The following MMP16 variants were observed in gnomAD, a reference collection of about 807,000 sequenced individuals.
MMP16 encodes matrix metalloproteinase-16.
Under a neutral mutation model 67.8 loss-of-function variants are expected in MMP16, and 12 were observed. The observed-to-expected ratio is 0.18, with a 90% CI of 0.11 to 0.29. The LOEUF is 0.29. Ranked by LOEUF, MMP16 falls within the 10% of genes least tolerant of loss-of-function variation. MMP16 has a pLI of 1.00. For missense variants in MMP16, 475 were observed against 765.7 expected (o/e 0.62, Z 4.48); for synonymous variants, 249 against 255.9 (o/e 0.97, Z 0.26).
At chr8:88,057,726 C>G (rs1356184965) in intron 7 of MMP16, among the ~76,000 whole-genome samples, 2 of 152,064 alleles carry the variant, frequency 1.3e-5, no homozygotes, top group Admixed American at 1.3e-4. Context: ...TAGTTTGTAA[C>G]CATGGGTAAT....
chr8:88,244,581 T>G (rs1348428097), intron 1 of MMP16, among the ~76,000 whole-genome samples: 1 of 152,202 alleles, frequency 6.6e-6, no homozygotes, highest in East Asian at 1.9e-4. Context: ...GTATTTTACA[T>G]ATATTAACTG....
At chr8:88,316,620 A>G (rs188205026) in intron 1 of MMP16, among the ~76,000 whole-genome samples, 15 of 152,288 alleles carry the variant, frequency 9.8e-5, no homozygotes, top group Admixed American at 9.8e-4. Context: ...CTGACAACAT[A>G]TCTGGTCACC....
chr8:88,109,066 G>T (rs1809290143), intron 6 of MMP16, among the ~76,000 whole-genome samples: 1 of 151,366 alleles, frequency 6.6e-6, no homozygotes, highest in South Asian at 2.1e-4. Context: ...TTAAAATGCA[G>T]AGAAGACAGA....
chr8:88,078,562 T>C (rs1410388908), intron 6 of MMP16, among the ~76,000 whole-genome samples: 1 of 152,052 alleles, frequency 6.6e-6, no homozygotes, highest in Admixed American at 6.6e-5. Flanking sequence ...AGGATCCTTT[T>C]AAAAAATGAA....
At chr8:88,290,725 G>A (rs1027151744) in intron 1 of MMP16, among the ~76,000 whole-genome samples, 7 of 152,024 alleles carry the variant, frequency 4.6e-5, no homozygotes, top group Admixed American at 2.0e-4. Context: ...CTACAGGAAC[G>A]CACCACCATA....
At chr8:88,135,051 TTA>T (rs1277610090) in intron 4 of MMP16, among the ~76,000 whole-genome samples, 4 of 151,758 alleles carry the variant, frequency 2.6e-5, no homozygotes, top group African/African-American at 9.7e-5. Flanking sequence ...CATTGAATTT[TTA>T]TATGATTCTC....
At chr8:88,310,478 G>A (rs1269433670) in intron 1 of MMP16, among the ~76,000 whole-genome samples, 1 of 151,980 alleles carries the variant, frequency 6.6e-6, no homozygotes, top group African/African-American at 2.4e-5. Context: ...TTAAGAAAAA[G>A]GACAACTATT....
chr8:88,054,325 G>A (rs1428099566), intron 8 of MMP16, among the ~76,000 whole-genome samples: 6 of 152,032 alleles, frequency 3.9e-5, no homozygotes, highest in African/African-American at 7.2e-5. Flanking sequence ...GTATAGTACC[G>A]AGTTCTGCAT....
chr8:88,301,052 C>T (rs1811090598), intron 1 of MMP16, among the ~76,000 whole-genome samples: 1 of 152,112 alleles, frequency 6.6e-6, no homozygotes, highest in Non-Finnish European at 1.5e-5. Flanking sequence ...TTATTTTTGC[C>T]TTATTAATAC....
At chr8:88,124,976 C>A (rs1563539001) in intron 4 of MMP16, among the ~76,000 whole-genome samples, 1 of 151,878 alleles carries the variant, frequency 6.6e-6, no homozygotes, top group Non-Finnish European at 1.5e-5. Flanking sequence ...CTGGTGACCT[C>A]ATCCAACCCT....
At chr8:88,047,715 T>G (rs1316262359) in intron 8 of MMP16, among the ~76,000 whole-genome samples, 1 of 152,208 alleles carries the variant, frequency 6.6e-6, no homozygotes, top group Non-Finnish European at 1.5e-5. Flanking sequence ...TAGACAAGCA[T>G]TTACACTACA....
At chr8:88,263,807 GT>G (rs35815364) in intron 1 of MMP16, among the ~76,000 whole-genome samples, 26,491 of 151,784 alleles carry the variant, frequency 0.17, 2,708 homozygotes, top group African/African-American at 0.27. Context: ...GGTACTGGGG[GT>G]TGGGACCTTG....
chr8:88,299,807 T>C (rs1262352373), intron 1 of MMP16, among the ~76,000 whole-genome samples: 1 of 152,218 alleles, frequency 6.6e-6, no homozygotes, highest in East Asian at 1.9e-4. Flanking sequence ...AAATTGTTTA[T>C]AAATGTTAGC....
At chr8:88,117,259 T>A (rs1476499806) in intron 5 of MMP16, among the ~76,000 whole-genome samples, 1 of 152,160 alleles carries the variant, frequency 6.6e-6, no homozygotes, top group Non-Finnish European at 1.5e-5. Context: ...GACAAATTGC[T>A]GGAAGAGTGT....
intron 3 of MMP16, among the ~76,000 whole-genome samples, chr8:88,182,247 C>T (rs537070520): frequency 6.6e-5 from 10 of 152,106 alleles, no homozygotes; most frequent in African/African-American, 2.2e-4. Flanking sequence ...TATTTGGAAA[C>T]AGAACTGATG....
intron 4 of MMP16, among the ~76,000 whole-genome samples, chr8:88,145,243 C>T (rs73694254): frequency 0.081 from 12,283 of 151,858 alleles, 534 homozygotes; most frequent in African/African-American, 0.11. Flanking sequence ...TGCTCCTAGG[C>T]TACAAACCTG....
chr8:88,183,497 ATGATAGTTTGTTTCT>A (rs973218943), intron 3 of MMP16, among the ~76,000 whole-genome samples: 6 of 152,172 alleles, frequency 3.9e-5, no homozygotes, highest in Admixed American at 1.3e-4. Flanking sequence ...TCTGAGACTA[ATGATAGTTTGTTTCT>A]TTTCAAATCT....
intron 4 of MMP16, among the ~76,000 whole-genome samples, chr8:88,126,988 C>A (rs1434048197): frequency 6.6e-6 from 1 of 151,956 alleles, no homozygotes; most frequent in African/African-American, 2.4e-5. Context: ...TTACAACAAA[C>A]TTTTGAGGTA....
intron 6 of MMP16, among the ~76,000 whole-genome samples, chr8:88,088,631 A>T (rs1311300249): frequency 1.3e-5 from 2 of 152,054 alleles, no homozygotes; most frequent in African/African-American, 2.4e-5. Context: ...ACCATTACCT[A>T]ATTGCTTTAT....
Sources: gnomAD v4.1 joint callset for allele counts (sites outside exome capture counted in the v4.1 genomes callset) on GRCh38, gnomAD v4.1.1 for gene constraint, MANE v1.5 for transcripts, NCBI Gene and HGNC (gene_info 2026-07-23, HGNC 2026-07-21) for gene names.